SBF2: variants seen among roughly 807,000 people sequenced by gnomAD.
SBF2 encodes the protein SET binding factor 2.
SBF2 carries 112 observed loss-of-function variants against 225.2 expected under a neutral mutation model. That is an observed-to-expected ratio of 0.50 (90% CI 0.43 to 0.58). The LOEUF (loss-of-function observed/expected upper bound fraction) is 0.58, where lower values mean the gene tolerates loss of function less well. Ranked by LOEUF, SBF2 falls within the 20% of genes least tolerant of loss-of-function variation. SBF2 has a pLI of 0.00. For missense variants in SBF2, 1,996 were observed against 2,206.2 expected, an observed-to-expected ratio of 0.90 and a Z score of 1.91; for synonymous variants, 763 against 773.3, an observed-to-expected ratio of 0.99 and a Z score of 0.22.
rs557699640 is a variant in SBF2, at chr11:9,940,132, G to A, written c.1860+21825C>T. ...TACACACTATGCTAAGGCCGGGCGC[G>A]GTGGCTCACGCCTGTAATCCCAGCA... On this transcript the variant is annotated intron_variant, in intron 16 of 39. Transcript: ENST00000256190. Among the ~76,000 whole-genome samples the A allele has an allele frequency of 1.1e-3, 164 of 152,214 alleles. 1 individual carries two copies. Among genetic ancestry groups the A allele is most frequent in the African/African-American group, 3.5e-3 (145 of 41,522 alleles).
chr11:9,896,015 T>TA lies in SBF2; in HGVS notation c.1861-5dup. 6 of 1,610,802 alleles carry TA rather than the reference T, an allele frequency of 3.7e-6. No individual in the cohort carries two copies. The highest frequency in any genetic ancestry group is 5.1e-6 in the Non-Finnish European group (6 of 1,177,318). ...ATTCTTCTAAACTTGAACAATCCTTTAAGCAAAACAAAGACAAAAGAGCAT... is the reference window on the plus strand; with the variant it reads ...ATTCTTCTAAACTTGAACAATCCTTTAAAGCAAAACAAAGACAAAAGAGCAT... On this transcript the variant is annotated splice_polypyrimidine_tract_variant and splice_region_variant and intron_variant, in intron 16 of 39. Transcript: ENST00000256190.
chr11:9,918,378 G>A (rs901266684), intron 16 of SBF2, among the ~76,000 whole-genome samples: 2 of 151,680 alleles, frequency 1.3e-5, no homozygotes, highest in African/African-American at 2.4e-5. Flanking sequence ...TTTGAGACAG[G>A]GTCTCACTTT....
intron 2 of SBF2, among the ~76,000 whole-genome samples, chr11:10,175,149 T>G (rs1427324023): frequency 2.7e-5 from 4 of 147,110 alleles, no homozygotes; most frequent in Admixed American, 6.8e-5. Context: ...AGGATCAAAT[T>G]CACACATAAC....
At chr11:9,829,537 G>A (rs1855261369) in intron 27 of SBF2, 41 bp from the exon 28 acceptor site, 2 of 1,508,274 alleles carry the variant, frequency 1.3e-6, no homozygotes, top group South Asian at 1.1e-5. Context: ...AACTGTCTCT[G>A]TGTTAACAAA....
rs190153756 is a variant in SBF2 at position 10,188,422 on chromosome 11, T to C, written c.141+5480A>G. On this transcript the variant is annotated intron_variant, in intron 2 of 39. Transcript: ENST00000256190. ...GTCAGGCCTGTGTAGCTCTACATCT[T>C]CCTCAGGAAGTTCTCTTTGGTCTTA... Among the ~76,000 whole-genome samples the C allele has an allele frequency of 2.6e-5, 4 of 152,300 alleles. No individual in the cohort carries two copies. In the East Asian group the frequency reaches 7.7e-4, roughly 29 times the overall value.
At chr11:10,049,092 A>T (rs1352521348) in intron 2 of SBF2, among the ~76,000 whole-genome samples, 6 of 152,262 alleles carry the variant, frequency 3.9e-5, no homozygotes, top group South Asian at 2.1e-4. Context: ...CAACCAAAAA[A>T]ATCAAATCAC....
chr11:10,157,953 G>T (rs78322221), intron 2 of SBF2, among the ~76,000 whole-genome samples: 1 of 151,938 alleles, frequency 6.6e-6, no homozygotes, highest in East Asian at 1.9e-4. Flanking sequence ...AAAACAAGTC[G>T]TAACAAATTT....
rs557448377 is a variant in SBF2, at chr11:9,795,225, G to A, written c.4570+606C>T. Among the ~76,000 whole-genome samples the A allele has an allele frequency of 3.9e-4, 59 of 152,328 alleles. 1 individual carries two copies. The highest frequency in any genetic ancestry group is 7.2e-4 in the Non-Finnish European group (49 of 68,042). On this transcript the variant is annotated intron_variant, in intron 33 of 39. Transcript: ENST00000256190. ...TTCATCACTATCATTACTAATGCGA[G>A]TGATGTCTAAAATTTATTGAGCGCT...
intron 1 of SBF2, among the ~76,000 whole-genome samples, chr11:10,278,788 T>TTA (rs1446186324): frequency 1.6e-5 from 2 of 125,008 alleles, no homozygotes; most frequent in African/African-American, 6.2e-5. Flanking sequence ...TCCATCTCAA[T>TTA]AAAAAAAAAA....
At chr11:9,998,229 A>G in intron 9 of SBF2, 37 bp downstream of exon 9, 1 of 1,203,410 alleles carries the variant, frequency 8.3e-7, no homozygotes, top group Non-Finnish European at 1.2e-6. Flanking sequence ...TCAGATTTAA[A>G]TAAAGAGAAA....
intron 2 of SBF2, among the ~76,000 whole-genome samples, chr11:10,124,369 T>C (rs552779537): frequency 1.3e-5 from 2 of 152,316 alleles, no homozygotes; most frequent in Admixed American, 6.5e-5. Flanking sequence ...TGAAGTTCCA[T>C]GTAACTTGTA....
intron 2 of SBF2, among the ~76,000 whole-genome samples, chr11:10,054,495 C>T (rs1352830010): frequency 6.6e-6 from 1 of 152,048 alleles, no homozygotes; most frequent in Non-Finnish European, 1.5e-5. Flanking sequence ...TAAGGCTTTA[C>T]ATTTAAAAAT....
At chr11:10,104,440 A>C (rs1952463023) in intron 2 of SBF2, among the ~76,000 whole-genome samples, 1 of 152,240 alleles carries the variant, frequency 6.6e-6, no homozygotes, top group Admixed American at 6.5e-5. Context: ...CAGAAGCAGC[A>C]ATCGGCAATC....
chr11:10,105,560 C>T (rs943359920), intron 2 of SBF2, among the ~76,000 whole-genome samples: 2 of 152,122 alleles, frequency 1.3e-5, no homozygotes, highest in Non-Finnish European at 2.9e-5. Context: ...AATAACAGAG[C>T]AGAAGGCATT....
chr11:10,275,298 AT>A (rs1161612882), intron 1 of SBF2, among the ~76,000 whole-genome samples: 5 of 152,180 alleles, frequency 3.3e-5, no homozygotes, highest in Non-Finnish European at 5.9e-5. Context: ...TGTTACCCCC[AT>A]TTGTGCTTGT....
intron 19 of SBF2, among the ~76,000 whole-genome samples, chr11:9,855,225 G>C (rs959174795): frequency 2.0e-5 from 3 of 152,152 alleles, no homozygotes; most frequent in East Asian, 1.9e-4. Context: ...TATATGGGTG[G>C]GGGTAAGAGA....
chr11:10,100,640 C>T (rs1431590449), intron 2 of SBF2, among the ~76,000 whole-genome samples: 6 of 152,260 alleles, frequency 3.9e-5, no homozygotes, highest in Admixed American at 1.3e-4. Context: ...TATGAGGTAT[C>T]TGGTTTGGTG....
Position 10,104,126 on chromosome 11 carries a change from T to A in SBF2, c.142-61145A>T, listed in dbSNP as rs146113136. Among the ~76,000 whole-genome samples the A allele has an allele frequency of 1.6e-3, 242 of 151,484 alleles. 2 individuals are homozygous for A. The highest frequency in any genetic ancestry group is 5.6e-3 in the African/African-American group (232 of 41,286). ...AAAGAGAGAGTGCCATTTCCATAAA[T>A]GTGTGAATTTTCCAATTTTACTTCT... On this transcript the variant is annotated intron_variant, in intron 2 of 39. Coordinates refer to ENST00000256190, the MANE Select transcript of SBF2 (RefSeq NM_030962.4).
intron 1 of SBF2, among the ~76,000 whole-genome samples, chr11:10,209,259 T>C (rs746580888): frequency 1.3e-5 from 2 of 151,612 alleles, no homozygotes; most frequent in Admixed American, 6.6e-5. Context: ...TCTTCCCAAA[T>C]ACAGTTTAAA....
Sources: allele counts gnomAD v4.1 joint callset (sites outside exome capture counted in the v4.1 genomes callset), GRCh38; gene constraint gnomAD v4.1.1; transcripts MANE v1.5; gene names NCBI Gene and HGNC (gene_info 2026-07-23, HGNC 2026-07-21).